SKA2: variants seen among roughly 807,000 people sequenced by gnomAD.
The protein encoded by SKA2 is spindle and kinetochore associated complex subunit 2.
A neutral mutation model predicts 16.9 loss-of-function variants in SKA2; 13 were observed. That is an observed-to-expected ratio of 0.77 (90% CI 0.50 to 1.22). The LOEUF (loss-of-function observed/expected upper bound fraction) is 1.22. Among genes scored for constraint, SKA2 ranks in the 50% most tolerant of loss-of-function variants. SKA2 has a pLI of 0.00. For missense variants in SKA2, 107 were observed against 139.7 expected (o/e 0.77, Z 1.18); for synonymous variants, 47 against 48.5 (o/e 0.97, Z 0.13).
chr17:59,122,819 C>T (rs532546053), intron 2 of SKA2, among the ~76,000 whole-genome samples: 2 of 151,856 alleles, frequency 1.3e-5, no homozygotes, highest in African/African-American at 2.4e-5. Flanking sequence ...GATGAGGTTT[C>T]GCCATGTTGG....
chr17:59,129,218 G>C (rs143569086), intron 2 of SKA2: 2 of 152,190 alleles, frequency 1.3e-5, no homozygotes, highest in Admixed American at 1.3e-4. Flanking sequence ...GTGTGGTGGT[G>C]TGTGCCTATA....
chr17:59,125,077 A>G (rs2046362188), intron 2 of SKA2, among the ~76,000 whole-genome samples: 1 of 150,434 alleles, frequency 6.6e-6, no homozygotes, highest in Non-Finnish European at 1.5e-5. Flanking sequence ...AGGTTCAAGC[A>G]ATTCTCCTGC....
chr17:59,140,873 T>C (rs2054924348), intron 1 of SKA2, among the ~76,000 whole-genome samples: 1 of 150,462 alleles, frequency 6.6e-6, no homozygotes. Context: ...TCCACCCGCC[T>C]CAGCATCCCA....
rs74470832 is a variant in SKA2, at chr17:59,130,039, C to T, written c.120+1242G>A. ...AGGGAGGGAGGAAGAGAGAAAGAGG[C>T]GGGGGGGAGAGAGAGAAAGAAAAAA... is the stretch of plus-strand genomic sequence containing the variant. On this transcript the variant is annotated intron_variant, in intron 2 of 3. Transcript: ENST00000330137. 1.2e-3 allele frequency among the ~76,000 whole-genome samples: 115 copies of T among 95,146 alleles called. 1 individual carries two copies. The highest frequency in any genetic ancestry group is 4.8e-3 in the African/African-American group (109 of 22,750). The allele number at this position is 95,146 out of a possible 152,430, so 62.4% of individuals were successfully genotyped here. A position where few individuals can be genotyped will look rare whatever the true frequency, so the allele number is the denominator to read the frequency against.
At chr17:59,148,050 G>A (rs557155511) in intron 1 of SKA2, among the ~76,000 whole-genome samples, 3 of 151,696 alleles carry the variant, frequency 2.0e-5, no homozygotes, top group Non-Finnish European at 2.9e-5. Context: ...CACCATGTTG[G>A]CCAGGCTGGT....
chr17:59,139,664 G>A (rs1248658449), intron 1 of SKA2, among the ~76,000 whole-genome samples: 1 of 151,816 alleles, frequency 6.6e-6, no homozygotes, highest in African/African-American at 2.4e-5. Context: ...TCTACTTTTT[G>A]TACATTTTCT....
chr17:59,137,904 A>G (rs945559746), intron 1 of SKA2: 1 of 487,714 alleles, frequency 2.1e-6, no homozygotes, highest in Non-Finnish European at 4.1e-6. Flanking sequence ...GAAATTCACT[A>G]AGCAATTATG....
At chr17:59,112,829 TACAC>T (rs2046272205) in intron 3 of SKA2, among the ~76,000 whole-genome samples, 1 of 152,156 alleles carries the variant, frequency 6.6e-6, no homozygotes, top group Non-Finnish European at 1.5e-5. Flanking sequence ...ACATAATTGT[TACAC>T]TGTATTGTGG....
chr17:59,135,360 A>T (rs2046437932), intron 1 of SKA2, among the ~76,000 whole-genome samples: 2 of 141,058 alleles, frequency 1.4e-5, no homozygotes, highest in African/African-American at 5.3e-5. Flanking sequence ...TCTGTCATCC[A>T]GGCTATAGTA....
chr17:59,134,022 A>AGATG (rs1298875078), intron 1 of SKA2, among the ~76,000 whole-genome samples: 1 of 152,172 alleles, frequency 6.6e-6, no homozygotes, highest in Non-Finnish European at 1.5e-5. Flanking sequence ...TTGTCAGATG[A>AGATG]GATGCCACGA....
At chr17:59,117,290 A>G (rs1375023199) in intron 3 of SKA2, among the ~76,000 whole-genome samples, 8 of 152,192 alleles carry the variant, frequency 5.3e-5, no homozygotes, top group Admixed American at 1.3e-4. Context: ...AAATTTATCA[A>G]TATAATGGTT....
intron 3 of SKA2, among the ~76,000 whole-genome samples, chr17:59,113,116 G>A (rs1240570007): frequency 2.6e-5 from 4 of 151,504 alleles, no homozygotes; most frequent in African/African-American, 7.3e-5. Flanking sequence ...CCAGCTGCTC[G>A]GGAGGCTGTG....
chr17:59,115,368 T>C (rs1182252102), intron 3 of SKA2, among the ~76,000 whole-genome samples: 2 of 152,092 alleles, frequency 1.3e-5, no homozygotes, highest in African/African-American at 2.4e-5. Flanking sequence ...TAAATTTAAA[T>C]TTATATAGCC....
At chr17:59,154,172 GAAAA>G (rs111310705) in intron 1 of SKA2, among the ~76,000 whole-genome samples, 1 of 114,856 alleles carries the variant, frequency 8.7e-6, no homozygotes, top group Non-Finnish European at 1.8e-5. Flanking sequence ...CCCAACCTGG[GAAAA>G]AAAAAAAAAA....
At chr17:59,123,229 T>G (rs1007379031) in intron 2 of SKA2, among the ~76,000 whole-genome samples, 2 of 141,748 alleles carry the variant, frequency 1.4e-5, no homozygotes, top group Non-Finnish European at 3.0e-5. Flanking sequence ...TTATCTTCCA[T>G]AGTACAAAAT....
chr17:59,121,603 A>G lies in SKA2; in HGVS notation c.121-2108T>C, dbSNP rs537057790. ...GGGAGGCAGAGGTGGCAGTGAGCCA[A>G]GATGGCACCATTGCATTCCAGCCTG... is the stretch of plus-strand genomic sequence containing the variant. On this transcript the variant is annotated intron_variant, in intron 2 of 3. Transcript: ENST00000330137. Among the ~76,000 whole-genome samples, 50 of 151,078 alleles carry G rather than the reference A, an allele frequency of 3.3e-4. 1 individual carries two copies. In the South Asian group the frequency reaches 9.0e-3, roughly 27 times the overall value.
Position 59,141,951 on chromosome 17 carries a change from C to T in SKA2, c.34-10584G>A, listed in dbSNP as rs115820661. ...CTGGTGTCTCTCATCCTCTTTGAAC[C>T]CATGAGATATTCTCATGGAGCTAGA... On this transcript the variant is annotated intron_variant, in intron 1 of 3. Coordinates refer to ENST00000330137, the MANE Select transcript of SKA2 (RefSeq NM_182620.4). 3.3e-3 allele frequency among the ~76,000 whole-genome samples: 496 copies of T among 152,106 alleles called. 1 individual carries two copies. The highest frequency in any genetic ancestry group is 7.9e-3 in the South Asian group (38 of 4,816).
chr17:59,114,790 T>C (rs1599656048), intron 3 of SKA2, among the ~76,000 whole-genome samples: 3 of 152,134 alleles, frequency 2.0e-5, no homozygotes, highest in African/African-American at 4.8e-5. Context: ...ATGTGGGGAA[T>C]TAATAGGAGG....
chr17:59,120,819 C>T (rs559808220), intron 2 of SKA2, among the ~76,000 whole-genome samples: 1 of 152,166 alleles, frequency 6.6e-6, no homozygotes, highest in South Asian at 2.1e-4. Flanking sequence ...AAGAGAAAAT[C>T]TCCAATCTAG....
Sources: gnomAD v4.1 joint callset for allele counts (sites outside exome capture counted in the v4.1 genomes callset) on GRCh38, gnomAD v4.1.1 for gene constraint, MANE v1.5 for transcripts, NCBI Gene and HGNC (gene_info 2026-07-23, HGNC 2026-07-21) for gene names.